The following GPATCH8 variants were observed in gnomAD, a reference collection of about 807,000 sequenced individuals.
GPATCH8 encodes G-patch domain containing 8, also known as G patch domain-containing protein 8.
Under a neutral mutation model 118.3 loss-of-function variants are expected in GPATCH8, and 18 were observed. The observed-to-expected ratio is 0.15, with a 90% CI of 0.11 to 0.23. GPATCH8 has a LOEUF of 0.23. Ranked by LOEUF, GPATCH8 falls within the 10% of genes least tolerant of loss-of-function variation. GPATCH8 has a pLI of 1.00. For synonymous variants in GPATCH8, 659 were observed against 684.7 expected (o/e 0.96, Z 0.59); for missense variants, 1,631 against 1,873.8 (o/e 0.87, Z 2.39).
At position 44,400,343 on chromosome 17, in the gene GPATCH8, A is replaced by C; in HGVS notation, c.1734T>G (p.Leu578=). The part of the protein sequence containing the change: ...SCNPLYFDFK[L]SRNKDARTKG... ...TAGTTCTGGCATCTTTGTTCCTTGA[A>C]AGTTTAAAGTCAAAATATAAAGGGT... The change falls in exon 8 of 8, where the codon CTT becomes CTG. Residue 578 remains leucine (L), a synonymous_variant. Transcript: ENST00000591680. 2 of 1,614,078 alleles carry C rather than the reference A, an allele frequency of 1.2e-6. No individual in the cohort carries two copies. The highest frequency in any genetic ancestry group is 1.1e-5 in the South Asian group (1 of 91,072).
intron 6 of GPATCH8, among the ~76,000 whole-genome samples, chr17:44,423,563 T>A (rs1223093592): frequency 6.6e-6 from 1 of 152,180 alleles, no homozygotes; most frequent in Admixed American, 6.5e-5. Flanking sequence ...CAAATACAAC[T>A]ATTGTACCCC....
At chr17:44,498,776 AGGAAAAACGATTTAAAACACT>A (rs1315743103) in intron 1 of GPATCH8, among the ~76,000 whole-genome samples, 2 of 152,228 alleles carry the variant, frequency 1.3e-5, no homozygotes, top group African/African-American at 4.8e-5. Context: ...AGCGAGACAT[AGGAAAAACGATTTAAAACACT>A]TGTCCATGTG....
intron 6 of GPATCH8, among the ~76,000 whole-genome samples, chr17:44,414,235 C>T (rs902707639): frequency 5.3e-5 from 8 of 151,224 alleles, no homozygotes; most frequent in African/African-American, 1.5e-4. Flanking sequence ...ACCACTACCA[C>T]CATGAAAACT....
At chr17:44,474,990 ACTTTT>A (rs757615010) in intron 1 of GPATCH8, 87 bp from the exon 2 acceptor site, 59 of 726,070 alleles carry the variant, frequency 8.1e-5, no homozygotes, top group African/African-American at 1.1e-4. Context: ...ATTATTTTTA[ACTTTT>A]CTTTTTTTTT....
intron 5 of GPATCH8, among the ~76,000 whole-genome samples, chr17:44,425,393 G>A (rs1327094074): frequency 6.6e-6 from 1 of 152,162 alleles, no homozygotes; most frequent in African/African-American, 2.4e-5. Flanking sequence ...ACAAGAAAAG[G>A]TTATTATTTT....
chr17:44,467,067 C>T, intron 2 of GPATCH8: 4 of 1,157,512 alleles, frequency 3.5e-6, no homozygotes, highest in Non-Finnish European at 4.6e-6. Flanking sequence ...AAAAGCAGTG[C>T]AAGTGGAGTG....
rs200360356 is a variant in GPATCH8 at position 44,400,143 on chromosome 17, T to C, written c.1934A>G (p.Gln645Arg). 6.2e-7 allele frequency: 1 copy of C among 1,614,084 alleles called. No individual in the cohort carries two copies. The highest frequency in any genetic ancestry group is 2.2e-5 in the East Asian group (1 of 44,852). ...SGSACSGLNK[Q>R]EPGGSHGSET... is the part of the protein sequence containing the mutation. ...AGACCCATGGCTACCCCCAGGCTCC[T>C]GCTTGTTCAGGCCGCTACAGGCAGA... The change falls in exon 8 of 8, where the codon CAG (glutamine) becomes CGG (arginine). Residue 645 changes from glutamine (Q) to arginine (R), a missense_variant. Gln to Arg is a conservative substitution (Grantham distance 43). Coordinates refer to ENST00000591680, the MANE Select transcript of GPATCH8 (RefSeq NM_001002909.4).
intron 7 of GPATCH8, among the ~76,000 whole-genome samples, chr17:44,401,780 G>C (rs2049030907): frequency 6.6e-6 from 1 of 152,134 alleles, no homozygotes; most frequent in African/African-American, 2.4e-5. Context: ...AAGGTGGACA[G>C]ACTGCTTGAG....
intron 5 of GPATCH8, among the ~76,000 whole-genome samples, chr17:44,427,729 C>T (rs1272184406): frequency 6.6e-6 from 1 of 151,920 alleles, no homozygotes; most frequent in Admixed American, 6.6e-5. Context: ...TGGTATGAAG[C>T]CACATACTAA....
chr17:44,423,167 G>C (rs2049975480), intron 6 of GPATCH8, among the ~76,000 whole-genome samples: 1 of 152,094 alleles, frequency 6.6e-6, no homozygotes, highest in Non-Finnish European at 1.5e-5. Flanking sequence ...CTTGAAACCA[G>C]AAGGTGGAGG....
intron 6 of GPATCH8, among the ~76,000 whole-genome samples, chr17:44,406,496 T>G (rs1174475014): frequency 8.1e-4 from 17 of 21,072 alleles, no homozygotes; most frequent in East Asian, 3.3e-3. Flanking sequence ...ACAGCTTACA[T>G]GGGGGGGGGG....
chr17:44,428,496 T>TA (rs914327964), intron 5 of GPATCH8, among the ~76,000 whole-genome samples: 107 of 131,516 alleles, frequency 8.1e-4, no homozygotes, highest in East Asian at 6.8e-4. Context: ...CCATCTCAAT[T>TA]AAAAAAAAAA....
intron 2 of GPATCH8, among the ~76,000 whole-genome samples, chr17:44,472,744 A>T (rs893921776): frequency 9.9e-5 from 15 of 151,596 alleles, no homozygotes; most frequent in Non-Finnish European, 1.8e-4. Flanking sequence ...CACCCAGGCT[A>T]GAGTGCAGTG....
At chr17:44,430,004 C>T (rs140006923) in intron 5 of GPATCH8, among the ~76,000 whole-genome samples, 1,863 of 152,182 alleles carry the variant, frequency 0.012, 33 homozygotes, top group African/African-American at 0.037. Flanking sequence ...CCAGCCTGGG[C>T]GACAGAGCAA....
chr17:44,458,933 T>G lies in GPATCH8; in HGVS notation c.193+5539A>C, dbSNP rs147946799. On this transcript the variant is annotated intron_variant, in intron 3 of 7. Transcript: ENST00000591680. ...TTCTACCATTGTTCATCCTAATAAT[T>G]TCATGATTTCATTTTTTACATTTAA... Among the ~76,000 whole-genome samples the G allele has an allele frequency of 4.5e-4, 69 of 152,318 alleles. 3 individuals carry two copies. The East Asian group carries it at 0.011, about 24-fold the overall frequency.
At chr17:44,444,353 C>T (rs914756506) in intron 3 of GPATCH8, among the ~76,000 whole-genome samples, 1 of 151,774 alleles carries the variant, frequency 6.6e-6, no homozygotes, top group Non-Finnish European at 1.5e-5. Context: ...AAGCTAACCA[C>T]CATGCTAAGA....
intron 5 of GPATCH8, among the ~76,000 whole-genome samples, chr17:44,434,413 A>G (rs932622094): frequency 2.6e-5 from 4 of 152,172 alleles, no homozygotes; most frequent in Non-Finnish European, 1.5e-5. Context: ...GTTCAAAAAC[A>G]AGAAAGGGGG....
Position 44,464,539 on chromosome 17 carries a change from A to G in GPATCH8, c.126T>C (p.Asn42=). The change falls in exon 3 of 8, where the codon AAT becomes AAC. Residue 42 remains asparagine, a synonymous_variant. Transcript: ENST00000591680. ...GTTTCTGGAGTAAGCGGTGTCCAAT[A>G]TTATCCTGACAGACAGAACAGAGAG... is the stretch of plus-strand genomic sequence containing the variant. ...ASLDKPIESD[N]IGHRLLQKHG... 6.3e-7 allele frequency: 1 copy of G among 1,589,860 alleles called. No homozygotes were observed. The highest frequency in any genetic ancestry group is 8.6e-7 in the Non-Finnish European group (1 of 1,159,362).
intron 6 of GPATCH8, among the ~76,000 whole-genome samples, chr17:44,412,193 G>A (rs1185866055): frequency 6.6e-6 from 1 of 152,076 alleles, no homozygotes; most frequent in Non-Finnish European, 1.5e-5. Context: ...AAAATGCCGG[G>A]ATTACAGGCA....
Sources: allele counts gnomAD v4.1 joint callset (sites outside exome capture counted in the v4.1 genomes callset), GRCh38; gene constraint gnomAD v4.1.1; transcripts MANE v1.5; gene names NCBI Gene and HGNC (gene_info 2026-07-23, HGNC 2026-07-21).